Variants in CNNM2 observed in about 807,000 individuals in gnomAD.
CNNM2 encodes metal transporter CNNM2.
In CNNM2, 12 loss-of-function variants were observed where a neutral mutation model predicts 66.9. The observed-to-expected ratio is 0.18, with a 90% CI of 0.11 to 0.29. CNNM2 has a LOEUF of 0.29. CNNM2 is among the 10% of genes least tolerant of loss of function. The probability of loss-of-function intolerance (pLI) is 1.00; values close to 1 mark genes in which losing one functional copy is unlikely to be tolerated. For missense variants in CNNM2, 705 were observed against 1,167.7 expected (o/e 0.60, Z 5.77); for synonymous variants, 557 against 501.8 (o/e 1.11, Z -1.47).
Position 103,085,161 on chromosome 10 carries a change from T to A in CNNM2, c.*7981T>A, listed in dbSNP as rs2065792609. On this transcript the variant is annotated 3_prime_UTR_variant, in exon 8 of 8. Coordinates refer to ENST00000369878, the MANE Select transcript of CNNM2 (RefSeq NM_017649.5). ...TAGTTGCCCGACTTCTGAAGTGCTT[T>A]TCCTGTCAGGGTATTAGTGACTGTG... 6.6e-6 allele frequency: 1 copy of A among 152,198 alleles called. No individual in the cohort carries two copies. Among genetic ancestry groups the A allele is most frequent in the Non-Finnish European group, 1.5e-5 (1 of 68,036 alleles). The allele number at this position is 152,198 out of a possible 1,614,324, so 9.4% of individuals were successfully genotyped here.
intron 1 of CNNM2, among the ~76,000 whole-genome samples, chr10:102,960,935 C>G (rs2063369452): frequency 6.7e-6 from 1 of 150,064 alleles, no homozygotes; most frequent in Non-Finnish European, 1.5e-5. Flanking sequence ...CTCTTGTTGT[C>G]CAGGCTGGAG....
At chr10:103,046,170 C>T (rs2065124470) in intron 1 of CNNM2, among the ~76,000 whole-genome samples, 1 of 152,216 alleles carries the variant, frequency 6.6e-6, no homozygotes, top group African/African-American at 2.4e-5. Flanking sequence ...AATTATGAGG[C>T]TGGCTTTAAA....
At chr10:102,958,186 T>C (rs982435656) in intron 1 of CNNM2, among the ~76,000 whole-genome samples, 4 of 152,190 alleles carry the variant, frequency 2.6e-5, no homozygotes, top group African/African-American at 9.6e-5. Flanking sequence ...TCCGCCCGCC[T>C]TAGCCTCCCA....
At chr10:102,991,162 AT>A (rs2063891394) in intron 1 of CNNM2, among the ~76,000 whole-genome samples, 1 of 151,904 alleles carries the variant, frequency 6.6e-6, no homozygotes, top group African/African-American at 2.4e-5. Flanking sequence ...AATATTTTAT[AT>A]TTTTAGTAGA....
chr10:103,053,003 A>G (rs774677698), intron 2 of CNNM2, among the ~76,000 whole-genome samples: 13 of 152,262 alleles, frequency 8.5e-5, no homozygotes, highest in Non-Finnish European at 1.8e-4. Flanking sequence ...TGCAAGAAAC[A>G]ATAATGCAGT....
rs1414256715 is a variant in CNNM2, at chr10:102,918,451, G to A, written c.-30G>A. 1.9e-6 allele frequency: 3 copies of A among 1,592,166 alleles called. No individual in the cohort carries two copies. Among genetic ancestry groups the A allele is most frequent in the Non-Finnish European group, 2.6e-6 (3 of 1,173,626 alleles). The stretch of plus-strand genomic sequence containing the variant: ...CTGCGCTCGCGCCGCCGGGTTGAAA[G>A]GATGAAGCCGCAGCTGGAGCAGCCA... On this transcript the variant is annotated 5_prime_UTR_variant, in exon 1 of 8. Coordinates refer to ENST00000369878, the MANE Select transcript of CNNM2 (RefSeq NM_017649.5). The surrounding 1 kb of genome is among the most constrained non-coding windows in gnomAD (Gnocchi z 4.1).
At chr10:102,959,613 G>C (rs1847170173) in intron 1 of CNNM2, among the ~76,000 whole-genome samples, 1 of 152,158 alleles carries the variant, frequency 6.6e-6, no homozygotes, top group African/African-American at 2.4e-5. Context: ...GTCTTGCTCT[G>C]TCACCCAAGC....
chr10:103,060,567 A>T (rs1464139428), intron 4 of CNNM2, among the ~76,000 whole-genome samples: 1 of 152,228 alleles, frequency 6.6e-6, no homozygotes, highest in Non-Finnish European at 1.5e-5. Flanking sequence ...AGATAAATTT[A>T]AAAAAAGAAA....
chr10:103,022,924 C>G (rs1400591009), intron 1 of CNNM2, among the ~76,000 whole-genome samples: 1 of 151,548 alleles, frequency 6.6e-6, no homozygotes, highest in African/African-American at 2.4e-5. Context: ...TTTTTTGAGA[C>G]AGGGTCTTAC....
At chr10:103,005,790 A>G (rs1266639026) in intron 1 of CNNM2, among the ~76,000 whole-genome samples, 1 of 151,828 alleles carries the variant, frequency 6.6e-6, no homozygotes, top group Non-Finnish European at 1.5e-5. Flanking sequence ...GTGCAGTGGC[A>G]TGATCATAGC....
intron 3 of CNNM2, among the ~76,000 whole-genome samples, chr10:103,056,228 G>A (rs1288688472): frequency 6.6e-6 from 1 of 151,898 alleles, no homozygotes; most frequent in Non-Finnish European, 1.5e-5. Flanking sequence ...AAATAAAATT[G>A]CTGTCTTTGT....
At position 102,918,422 on chromosome 10, in the gene CNNM2, G is replaced by A. The variant is rs1048569859; in HGVS notation, c.-59G>A. 1.6e-5 allele frequency: 25 copies of A among 1,562,914 alleles called. No homozygotes were observed. The highest frequency in any genetic ancestry group is 3.8e-5 in the Admixed American group (2 of 52,778). On this transcript the variant is annotated 5_prime_UTR_variant, in exon 1 of 8. Coordinates refer to ENST00000369878, the MANE Select transcript of CNNM2 (RefSeq NM_017649.5). This position sits in a 1 kb window ranked among gnomAD's most constrained non-coding sequence, Gnocchi z 4.1. The stretch of plus-strand genomic sequence containing the variant: ...CCGTTGCAGTCTCGCCCAGGGGCCG[G>A]TACCTGCGCTCGCGCCGCCGGGTTG...
intron 4 of CNNM2, among the ~76,000 whole-genome samples, chr10:103,065,785 A>G (rs1002972197): frequency 6.6e-6 from 1 of 152,330 alleles, no homozygotes; most frequent in Middle Eastern, 3.4e-3. Context: ...TGCAGCCAGC[A>G]CATACATGTC....
intron 1 of CNNM2, among the ~76,000 whole-genome samples, chr10:103,003,952 A>G (rs1382221009): frequency 7.1e-6 from 1 of 140,060 alleles, no homozygotes; most frequent in Non-Finnish European, 1.5e-5. Flanking sequence ...TAGACTGTGC[A>G]TTCTCATTGC....
Position 103,048,715 on chromosome 10 carries a change from A to G in CNNM2, c.1622-992A>G, listed in dbSNP as rs1005391867. On this transcript the variant is annotated intron_variant, in intron 1 of 7. Coordinates refer to ENST00000369878, the MANE Select transcript of CNNM2 (RefSeq NM_017649.5). Reference sequence around the variant, plus strand: ...AGTGGCCAGTCCAACTTGCAAGTCAATCACAAGAGTCTTTCCTCAGGACGG... The same window carrying G: ...AGTGGCCAGTCCAACTTGCAAGTCAGTCACAAGAGTCTTTCCTCAGGACGG... 2.2e-4 allele frequency among the ~76,000 whole-genome samples: 33 copies of G among 152,308 alleles called. 1 individual carries two copies. Among genetic ancestry groups the G allele is most frequent in the African/African-American group, 7.9e-4 (33 of 41,564 alleles).
chr10:102,978,910 T>A (rs2063679412), intron 1 of CNNM2, among the ~76,000 whole-genome samples: 1 of 152,250 alleles, frequency 6.6e-6, no homozygotes, highest in African/African-American at 2.4e-5. Context: ...TATGCAGCCT[T>A]ATGTGTGTGT....
chr10:102,934,665 G>C (rs1475812424), intron 1 of CNNM2, among the ~76,000 whole-genome samples: 1 of 151,988 alleles, frequency 6.6e-6, no homozygotes, highest in East Asian at 1.9e-4. Flanking sequence ...GATAAGCACA[G>C]AAAGACTAGC....
At chr10:103,042,260 C>T (rs2065054509) in intron 1 of CNNM2, among the ~76,000 whole-genome samples, 2 of 152,202 alleles carry the variant, frequency 1.3e-5, no homozygotes, top group Non-Finnish European at 2.9e-5. Context: ...TCATCACCTG[C>T]ACCATTGCTC....
At position 103,089,526 on chromosome 10, in the gene CNNM2, A is replaced by C; in HGVS notation, c.*12346A>C. On this transcript the variant is annotated 3_prime_UTR_variant, in exon 8 of 8. Coordinates refer to ENST00000369878, the MANE Select transcript of CNNM2 (RefSeq NM_017649.5). The stretch of plus-strand genomic sequence containing the variant: ...CACAAAACCAAAACAAGTATCTATG[A>C]TAATAAAATCTTCAGAAACTTTTCA... 2.9e-6 allele frequency: 4 copies of C among 1,374,268 alleles called. No homozygotes were observed. Among genetic ancestry groups the C allele is most frequent in the Non-Finnish European group, 3.8e-6 (4 of 1,044,588 alleles). The allele number at this position is 1,374,268 out of a possible 1,614,324, so 85.1% of individuals were successfully genotyped here.
Sources: allele counts gnomAD v4.1 joint callset (sites outside exome capture counted in the v4.1 genomes callset), GRCh38; gene constraint gnomAD v4.1.1; non-coding constraint Gnocchi (gnomAD v3.1); transcripts MANE v1.5; gene names NCBI Gene and HGNC (gene_info 2026-07-23, HGNC 2026-07-21).